The following ALKBH5 variants were observed in gnomAD, a reference collection of about 807,000 sequenced individuals.
The protein encoded by ALKBH5 is RNA demethylase ALKBH5.
In ALKBH5, 2 loss-of-function variants were observed where a neutral mutation model predicts 32.1. That is an observed-to-expected ratio of 0.06 (90% CI 0.03 to 0.20). The LOEUF (loss-of-function observed/expected upper bound fraction) is 0.20. Ranked by LOEUF, ALKBH5 falls within the 10% of genes least tolerant of loss-of-function variation. ALKBH5 has a pLI of 1.00. For missense variants in ALKBH5, 352 were observed against 559.5 expected (o/e 0.63, Z 3.74); for synonymous variants, 300 against 231.7 (o/e 1.29, Z -2.68).
At chr17:18,205,332 CTG>C (rs749370286) in intron 2 of ALKBH5, among the ~76,000 whole-genome samples, 44 of 152,202 alleles carry the variant, frequency 2.9e-4, no homozygotes, top group Non-Finnish European at 5.9e-4. Context: ...ATCCATGAGT[CTG>C]GAGGAGTCCA....
chr17:18,188,878 C>T (rs867395647), intron 1 of ALKBH5, among the ~76,000 whole-genome samples: 2 of 152,094 alleles, frequency 1.3e-5, no homozygotes, highest in Non-Finnish European at 2.9e-5. Flanking sequence ...ACCAACCTGG[C>T]CAACATGGTA....
chr17:18,209,323 T>TTAG lies in ALKBH5; in HGVS notation c.*929_*931dup. On this transcript the variant is annotated 3_prime_UTR_variant, in exon 4 of 4. Coordinates refer to ENST00000399138, the MANE Select transcript of ALKBH5 (RefSeq NM_017758.4). ...TCTTTTTTGAGTTTTTTTTCCCCCT[T>TTAG]TAGTCTCCTGGCTTTTTCCTTTCCC... 6.5e-6 allele frequency: 1 copy of TTAG among 152,716 alleles called. No homozygotes were observed. The highest frequency in any genetic ancestry group is 2.1e-4 in the South Asian group (1 of 4,820). 9.5% of individuals were successfully genotyped at this position (152,716 alleles called of 1,614,324 possible).
intron 1 of ALKBH5, among the ~76,000 whole-genome samples, chr17:18,194,144 T>G (rs570180390): frequency 5.5e-4 from 11 of 20,084 alleles, no homozygotes; most frequent in African/African-American, 1.8e-3. Context: ...CCTTTTTTTT[T>G]GGGCGGGGGG....
chr17:18,186,112 A>G (rs1039241260), intron 1 of ALKBH5, among the ~76,000 whole-genome samples: 3 of 152,184 alleles, frequency 2.0e-5, no homozygotes, highest in Non-Finnish European at 4.4e-5. Context: ...ATTTGAGTCT[A>G]ACAGCTGAGG....
At chr17:18,203,499 C>T (rs75534630) in intron 2 of ALKBH5, among the ~76,000 whole-genome samples, 2,985 of 152,296 alleles carry the variant, frequency 0.02, 101 homozygotes, top group African/African-American at 0.068. Flanking sequence ...CTCACATGCC[C>T]GAGGTCACAT....
chr17:18,202,079 G>A (rs1232174841), intron 2 of ALKBH5, among the ~76,000 whole-genome samples: 6 of 151,772 alleles, frequency 4.0e-5, no homozygotes, highest in Admixed American at 1.3e-4. Flanking sequence ...AGGCTGAGGC[G>A]GGCGGATCGT....
At chr17:18,196,366 C>T (rs1440747334) in intron 2 of ALKBH5, among the ~76,000 whole-genome samples, 6 of 152,124 alleles carry the variant, frequency 3.9e-5, no homozygotes, top group Non-Finnish European at 7.3e-5. Flanking sequence ...GGACTATAGG[C>T]GTGTGCCACA....
Position 18,208,487 on chromosome 17 carries a change from GGTTTTTGT to G in ALKBH5, c.*92_*99del, listed in dbSNP as rs2047283987. The G allele has an allele frequency of 7.1e-7, 1 of 1,404,970 alleles. No homozygotes were observed. The highest frequency in any genetic ancestry group is 9.8e-7 in the Non-Finnish European group (1 of 1,020,952). The allele number at this position is 1,404,970 out of a possible 1,614,324, so 87.0% of individuals were successfully genotyped here. On this transcript the variant is annotated 3_prime_UTR_variant, in exon 4 of 4. Transcript: ENST00000399138. ...AGGGTTTTGTTTTTGTTCATTGGGG[GGTTTTTGT>G]TTTTTGTTTTTTGTTTTTTTTGATT... is the stretch of plus-strand genomic sequence containing the variant.
intron 2 of ALKBH5, among the ~76,000 whole-genome samples, chr17:18,203,885 T>C (rs749694445): frequency 2.0e-5 from 3 of 152,152 alleles, no homozygotes; most frequent in Non-Finnish European, 4.4e-5. Context: ...GTGGCTCTGC[T>C]TTTCTCCTAC....
intron 1 of ALKBH5, among the ~76,000 whole-genome samples, chr17:18,188,067 C>G (rs1328283327): frequency 6.6e-6 from 1 of 152,236 alleles, no homozygotes; most frequent in Non-Finnish European, 1.5e-5. Context: ...CTTTCCAAAC[C>G]TAGTCGTCAG....
intron 2 of ALKBH5, among the ~76,000 whole-genome samples, chr17:18,201,118 C>T (rs758532335): frequency 2.3e-4 from 35 of 152,082 alleles, no homozygotes; most frequent in Non-Finnish European, 4.7e-4. Context: ...TTCTGGACCT[C>T]GTTCCTCAGC....
At chr17:18,199,802 CAAAA>C (rs918784485) in intron 2 of ALKBH5, among the ~76,000 whole-genome samples, 14 of 151,470 alleles carry the variant, frequency 9.2e-5, no homozygotes, top group African/African-American at 3.4e-4. Flanking sequence ...GGGAGCCCTG[CAAAA>C]AAAACCCCAA....
chr17:18,183,835 C>CCGCTAAGGAGCGGCGCT lies in ALKBH5; in HGVS notation c.-408_-392dup. 9.6e-6 allele frequency: 3 copies of CCGCTAAGGAGCGGCGCT among 311,266 alleles called. No homozygotes were observed. In the East Asian group the frequency reaches 4.3e-4, roughly 45 times the overall value. 19.3% of individuals were successfully genotyped at this position (311,266 alleles called of 1,614,324 possible). On this transcript the variant is annotated 5_prime_UTR_variant, in exon 1 of 4. Transcript: ENST00000399138. ...GCACTGCGCGTGCGCGGTGAGGAGCCCGCTAAGGAGCGGCGCTGGCGGACG... is the reference window on the plus strand; with the variant it reads ...GCACTGCGCGTGCGCGGTGAGGAGCCCGCTAAGGAGCGGCGCTCGCTAAGGAGCGGCGCTGGCGGACG...
At chr17:18,202,513 A>G (rs1276468075) in intron 2 of ALKBH5, among the ~76,000 whole-genome samples, 1 of 152,034 alleles carries the variant, frequency 6.6e-6, no homozygotes, top group Non-Finnish European at 1.5e-5. Flanking sequence ...CTAAATAGGC[A>G]AGAGGGTGCT....
rs570042826 is a variant in ALKBH5 at position 18,197,111 on chromosome 17, C to T, written c.851+2076C>T. 5.3e-5 allele frequency among the ~76,000 whole-genome samples: 8 copies of T among 152,280 alleles called. No homozygotes were observed. The South Asian group carries it at 1.7e-3, about 32-fold the overall frequency. On this transcript the variant is annotated intron_variant, in intron 2 of 3. Coordinates refer to ENST00000399138, the MANE Select transcript of ALKBH5 (RefSeq NM_017758.4). Reference sequence around the variant, plus strand: ...ACTTTGCCAAGTCAAAACTTTTAGTCTGTTTTAACTATAGTAGATGGGTAT... The same window carrying T: ...ACTTTGCCAAGTCAAAACTTTTAGTTTGTTTTAACTATAGTAGATGGGTAT...
chr17:18,204,282 T>C (rs949448445), intron 2 of ALKBH5, among the ~76,000 whole-genome samples: 10 of 151,996 alleles, frequency 6.6e-5, no homozygotes, highest in African/African-American at 2.4e-4. Context: ...AGAAACCCCA[T>C]CTCTACTAAA....
At position 18,208,506 on chromosome 17, in the gene ALKBH5, T is replaced by C. The variant is rs2047284432; in HGVS notation, c.*110T>C. 7.9e-7 allele frequency: 1 copy of C among 1,263,278 alleles called. No homozygotes were observed. The highest frequency in any genetic ancestry group is 1.1e-6 in the Non-Finnish European group (1 of 896,922). The allele number at this position is 1,263,278 out of a possible 1,614,324, so 78.3% of individuals were successfully genotyped here. ...TTGGGGGGTTTTTGTTTTTTGTTTT[T>C]TGTTTTTTTTGATTCTATATATTTT... is the stretch of plus-strand genomic sequence containing the variant. On this transcript the variant is annotated 3_prime_UTR_variant, in exon 4 of 4. Transcript: ENST00000399138.
rs781689405 is a variant in ALKBH5, at chr17:18,208,945, C to T, written c.*549C>T. The T allele has an allele frequency of 7.4e-5, 15 of 202,164 alleles. No homozygotes were observed. Among genetic ancestry groups the T allele is most frequent in the Non-Finnish European group, 1.3e-4 (13 of 98,506 alleles). The allele number at this position is 202,164 out of a possible 1,614,324, so 12.5% of individuals were successfully genotyped here. On this transcript the variant is annotated 3_prime_UTR_variant, in exon 4 of 4. Transcript: ENST00000399138. ...ATGCAAACACCCTTTCTTCCTCCTG[C>T]GGCAGAGTTGTTCAGGTTGCCTGGG...
rs1478775865 is a variant in ALKBH5 at position 18,183,966 on chromosome 17, C to G, written c.-278C>G. ...CGGGCCGCGTCTCCGCAGCAGCCCT[C>G]CGCGGCATGAGGCGCTGCCGGCGCC... On this transcript the variant is annotated 5_prime_UTR_variant, in exon 1 of 4. Coordinates refer to ENST00000399138, the MANE Select transcript of ALKBH5 (RefSeq NM_017758.4). 1 of 622,748 alleles carries G rather than the reference C, an allele frequency of 1.6e-6. No homozygotes were observed. The highest frequency in any genetic ancestry group is 3.0e-6 in the Non-Finnish European group (1 of 337,640). 38.6% of individuals were successfully genotyped at this position (622,748 alleles called of 1,614,324 possible).
Sources: allele counts gnomAD v4.1 joint callset (sites outside exome capture counted in the v4.1 genomes callset), GRCh38; gene constraint gnomAD v4.1.1; transcripts MANE v1.5; gene names NCBI Gene and HGNC (gene_info 2026-07-23, HGNC 2026-07-21).